SCRN1: variants seen among roughly 807,000 people sequenced by gnomAD.
The protein encoded by SCRN1 is secernin-1.
SCRN1 carries 19 observed loss-of-function variants against 43.3 expected under a neutral mutation model. The ratio of observed to expected loss-of-function variants is 0.44; its 90% confidence interval spans 0.31 to 0.64. SCRN1 has a LOEUF of 0.64. Among genes scored for constraint, SCRN1 ranks in the 30% least tolerant of loss-of-function variants. The pLI is 0.09. For synonymous variants in SCRN1, 183 were observed against 188.9 expected, an observed-to-expected ratio of 0.97 and a Z score of 0.26; for missense variants, 447 against 524.1, an observed-to-expected ratio of 0.85 and a Z score of 1.44.
intron 1 of SCRN1, among the ~76,000 whole-genome samples, chr7:29,986,619 T>C (rs557483971): frequency 6.6e-6 from 1 of 152,234 alleles, no homozygotes; most frequent in Non-Finnish European, 1.5e-5. Context: ...AGACACAAAT[T>C]GCATGCATTT....
At chr7:29,925,049 G>A (rs1042441102) in intron 7 of SCRN1, among the ~76,000 whole-genome samples, 2 of 152,016 alleles carry the variant, frequency 1.3e-5, no homozygotes, top group African/African-American at 2.4e-5. Flanking sequence ...ACCACACAGC[G>A]ACAGTTTTCA....
At chr7:29,987,924 C>T (rs533055663) in intron 1 of SCRN1, among the ~76,000 whole-genome samples, 78 of 152,302 alleles carry the variant, frequency 5.1e-4, no homozygotes, top group Admixed American at 1.0e-3. Context: ...ACCTCTGCCC[C>T]CCGACCTTAG....
intron 4 of SCRN1, among the ~76,000 whole-genome samples, chr7:29,941,128 C>T (rs1028292634): frequency 1.3e-5 from 2 of 152,160 alleles, no homozygotes; most frequent in Admixed American, 6.5e-5. Context: ...ATCTTAAAAG[C>T]ATAATCAACA....
At chr7:29,964,951 A>AATATAT (rs140642496) in intron 2 of SCRN1, among the ~76,000 whole-genome samples, 29 of 147,886 alleles carry the variant, frequency 2.0e-4, no homozygotes, top group East Asian at 3.9e-4. Flanking sequence ...CAAAAAACAA[A>AATATAT]ATATATATAT....
intron 1 of SCRN1, among the ~76,000 whole-genome samples, chr7:29,984,441 A>G (rs1789088828): frequency 6.6e-6 from 1 of 152,104 alleles, no homozygotes. Flanking sequence ...AAGTTTTTTT[A>G]ATGAGAAACT....
Position 29,923,668 on chromosome 7 carries a change from T to A in SCRN1, c.*289A>T. 2 of 290,012 alleles carry A rather than the reference T, an allele frequency of 6.9e-6. No homozygotes were observed. The highest frequency in any genetic ancestry group is 1.3e-5 in the Non-Finnish European group (2 of 154,352). The allele number at this position is 290,012 out of a possible 1,614,324, so 18.0% of individuals were successfully genotyped here. A position where few individuals can be genotyped will look rare whatever the true frequency, so the allele number is the denominator to read the frequency against. On this transcript the variant is annotated 3_prime_UTR_variant, in exon 8 of 8. Transcript: ENST00000242059. Reference sequence around the variant, plus strand: ...AGTCCTCTTGTAAAAGGCTAATGTGTCCATTGCCACTGAAATACAATAATA... The same window carrying A: ...AGTCCTCTTGTAAAAGGCTAATGTGACCATTGCCACTGAAATACAATAATA...
intron 2 of SCRN1, among the ~76,000 whole-genome samples, chr7:29,960,029 G>C (rs557894642): frequency 3.5e-4 from 52 of 149,798 alleles, no homozygotes; most frequent in African/African-American, 1.2e-3. Context: ...GAGGGAGGGA[G>C]GGAGGGAGGA....
chr7:29,945,317 A>G (rs898346317), intron 3 of SCRN1, among the ~76,000 whole-genome samples: 3 of 152,168 alleles, frequency 2.0e-5, no homozygotes, highest in Non-Finnish European at 4.4e-5. Flanking sequence ...AAAGGAGGTA[A>G]CTGAATCAGG....
In SCRN1 at chr7:29,950,611, G is replaced by T. The variant is rs994559441; in HGVS notation, c.341+4568C>A. Among the ~76,000 whole-genome samples, 1 of 152,136 alleles carries T rather than the reference G, an allele frequency of 6.6e-6. No homozygotes were observed. Among genetic ancestry groups the T allele is most frequent in the African/African-American group, 2.4e-5 (1 of 41,420 alleles). ...CTTTTTCCAGGCTTGCCCATGACCC[G>T]ATCAGCACACACTTCCTCCCTTCTG... On this transcript the variant is annotated intron_variant, in intron 3 of 7. Coordinates refer to ENST00000242059, the MANE Select transcript of SCRN1 (RefSeq NM_014766.5). This position sits in a 1 kb window ranked among gnomAD's most constrained non-coding sequence, Gnocchi z 4.5.
intron 1 of SCRN1, among the ~76,000 whole-genome samples, chr7:29,972,462 T>C (rs1287069159): frequency 1.3e-5 from 2 of 152,230 alleles, no homozygotes; most frequent in African/African-American, 4.8e-5. Flanking sequence ...CCAAGGCACC[T>C]GCTTAGTCAG....
At chr7:29,959,920 A>G (rs1258200099) in intron 2 of SCRN1, among the ~76,000 whole-genome samples, 1 of 151,290 alleles carries the variant, frequency 6.6e-6, no homozygotes, top group Non-Finnish European at 1.5e-5. Flanking sequence ...AGAAGAAAAC[A>G]AAAAAAGAAA....
intron 5 of SCRN1, among the ~76,000 whole-genome samples, chr7:29,939,234 G>C (rs895182547): frequency 6.6e-6 from 1 of 151,964 alleles, no homozygotes; most frequent in Non-Finnish European, 1.5e-5. Flanking sequence ...TTTAAAAAGA[G>C]ACAGGGTCTC....
intron 1 of SCRN1, among the ~76,000 whole-genome samples, chr7:29,988,351 T>G (rs958529164): frequency 1.2e-4 from 19 of 152,334 alleles, no homozygotes; most frequent in Admixed American, 8.5e-4. Context: ...TTGTATCATC[T>G]TTTGATAAGT....
At chr7:29,969,363 T>C (rs1226607254) in intron 1 of SCRN1, 2 of 404,336 alleles carry the variant, frequency 4.9e-6, no homozygotes, top group African/African-American at 4.0e-5. Context: ...GAGGTTATTG[T>C]TCTAGGCAGA....
At chr7:29,949,502 C>T (rs1787847962) in intron 3 of SCRN1, among the ~76,000 whole-genome samples, 1 of 151,058 alleles carries the variant, frequency 6.6e-6, no homozygotes, top group Non-Finnish European at 1.5e-5. Context: ...CTCAGCCTCC[C>T]AAGTAGCTGG....
At chr7:29,979,542 C>T (rs1788937256) in intron 1 of SCRN1, among the ~76,000 whole-genome samples, 2 of 151,932 alleles carry the variant, frequency 1.3e-5, no homozygotes, top group Non-Finnish European at 2.9e-5. Context: ...ATACATGTCT[C>T]ATTACGCCGT....
At chr7:29,926,131 A>G (rs1786943050) in intron 7 of SCRN1, among the ~76,000 whole-genome samples, 1 of 152,252 alleles carries the variant, frequency 6.6e-6, no homozygotes, top group South Asian at 2.1e-4. Context: ...TTTACACAAT[A>G]TATAACAGTT....
chr7:29,985,579 C>A (rs911804511), intron 1 of SCRN1, among the ~76,000 whole-genome samples: 3 of 152,000 alleles, frequency 2.0e-5, no homozygotes, highest in Non-Finnish European at 4.4e-5. Flanking sequence ...GATATGGGAA[C>A]ACAGATGTGT....
At chr7:29,949,853 T>C (rs892804705) in intron 3 of SCRN1, among the ~76,000 whole-genome samples, 1 of 151,852 alleles carries the variant, frequency 6.6e-6, no homozygotes, top group African/African-American at 2.4e-5. Context: ...TTTGCATTTG[T>C]TTTGTAGAAA....
Sources: gnomAD v4.1 joint callset for allele counts (sites outside exome capture counted in the v4.1 genomes callset) on GRCh38, gnomAD v4.1.1 for gene constraint, Gnocchi (gnomAD v3.1) non-coding constraint, MANE v1.5 for transcripts, NCBI Gene and HGNC (gene_info 2026-07-23, HGNC 2026-07-21) for gene names.